Variants in GATA4 observed in about 807,000 individuals in gnomAD.
The protein encoded by GATA4 is transcription factor GATA-4.
Under a neutral mutation model 37.9 loss-of-function variants are expected in GATA4, and 7 were observed. The observed-to-expected ratio is 0.18, with a 90% CI of 0.11 to 0.35. The LOEUF is 0.35. Among genes scored for constraint, GATA4 ranks in the 10% least tolerant of loss-of-function variants. The pLI, the probability that GATA4 is intolerant of heterozygous loss-of-function variation, is 1.00. For missense variants in GATA4, 647 were observed against 653.0 expected (o/e 0.99, Z 0.10); for synonymous variants, 372 against 292.6 (o/e 1.27, Z -2.77).
chr8:11,688,256 G>C (rs1483619005), upstream of GATA4, among the ~76,000 whole-genome samples: 1 of 152,146 alleles, frequency 6.6e-6, no homozygotes, highest in East Asian at 1.9e-4. Flanking sequence ...CTATGCCTGA[G>C]GTCTCCTGAA....
At chr8:11,681,240 T>TA (rs1798961260) in intron 1 of GATA4, 1 of 985,178 alleles carries the variant, frequency 1.0e-6, no homozygotes, top group African/African-American at 1.7e-5. Flanking sequence ...TTTGGGGACT[T>TA]ACAGCTCGTC....
At chr8:11,714,132 A>G (rs531084913) in intron 2 of GATA4, among the ~76,000 whole-genome samples, 116 of 152,264 alleles carry the variant, frequency 7.6e-4, no homozygotes, top group Non-Finnish European at 1.5e-3. Context: ...TGGAAAGGCT[A>G]GGAAAATATA....
At chr8:11,703,139 G>A (rs1273355793), upstream of GATA4, among the ~76,000 whole-genome samples, 2 of 151,900 alleles carry the variant, frequency 1.3e-5, no homozygotes, top group African/African-American at 4.8e-5. Flanking sequence ...CCTCTAATCT[G>A]GCTTGAGAAG....
At chr8:11,757,576 G>A (rs1420355500) in intron 6 of GATA4, among the ~76,000 whole-genome samples, 1 of 152,234 alleles carries the variant, frequency 6.6e-6, no homozygotes, top group Non-Finnish European at 1.5e-5. Flanking sequence ...GGGTGGGGAA[G>A]GAGGAGGAAG....
At chr8:11,734,334 C>T (rs1343025682) in intron 2 of GATA4, among the ~76,000 whole-genome samples, 4 of 152,190 alleles carry the variant, frequency 2.6e-5, no homozygotes, top group East Asian at 1.9e-4. Context: ...GCTTTAACAA[C>T]GCTTATTTCT....
At chr8:11,751,835 C>G (rs979856535) in intron 4 of GATA4, among the ~76,000 whole-genome samples, 15 of 152,184 alleles carry the variant, frequency 9.9e-5, no homozygotes, top group African/African-American at 3.6e-4. Flanking sequence ...ATTAGATACT[C>G]TCATATATTA....
At chr8:11,698,075 C>G (rs1799560968) in intron 1 of GATA4, 1 of 934,314 alleles carries the variant, frequency 1.1e-6, no homozygotes, top group East Asian at 1.2e-4. Context: ...CACCCAGGCC[C>G]GGCCGCTTTC....
intron 2 of GATA4, among the ~76,000 whole-genome samples, chr8:11,736,395 G>C (rs1422823802): frequency 6.6e-6 from 1 of 152,252 alleles, no homozygotes; most frequent in Non-Finnish European, 1.5e-5. Context: ...GAGGTGAAAT[G>C]ACTGTTGGCT....
chr8:11,718,792 A>G (rs1411677576), intron 2 of GATA4, among the ~76,000 whole-genome samples: 1 of 152,240 alleles, frequency 6.6e-6, no homozygotes. Flanking sequence ...TATCGCCTCC[A>G]TTTAGAACTG....
intron 2 of GATA4, among the ~76,000 whole-genome samples, chr8:11,735,787 C>G (rs1390216520): frequency 1.3e-5 from 2 of 152,214 alleles, no homozygotes. Context: ...TCTCGAACTC[C>G]CGACCTAAGG....
intron 1 of GATA4, chr8:11,681,423 G>A (rs894812644): frequency 7.1e-6 from 7 of 985,012 alleles, no homozygotes; most frequent in African/African-American, 1.8e-5. Context: ...CAACTCGGGG[G>A]CCGTAGCTAC....
chr8:11,683,098 T>G, intron 1 of GATA4: 3 of 985,438 alleles, frequency 3.0e-6, no homozygotes, highest in Non-Finnish European at 3.6e-6. Flanking sequence ...CTCGCCGGAT[T>G]GCCTTGGAAA....
chr8:11,677,771 G>A (rs948432608), intron 1 of GATA4, among the ~76,000 whole-genome samples: 1 of 152,096 alleles, frequency 6.6e-6, no homozygotes, highest in African/African-American at 2.4e-5. Flanking sequence ...TTTAATTTCC[G>A]ATTATTCTGG....
In GATA4 at chr8:11,756,747, G is replaced by A. The variant is rs1282577638; in HGVS notation, c.1001-188G>A. On this transcript the variant is annotated intron_variant, in intron 5 of 6. Coordinates refer to ENST00000532059, the MANE Select transcript of GATA4 (RefSeq NM_001308093.3). ...AACACACGTGGCCTCAAGGGTTTGA[G>A]ATGAGATAGGGGGAAGAAGCCATCC... 9.8e-6 allele frequency: 7 copies of A among 714,748 alleles called. No homozygotes were observed. The Admixed American group carries it at 1.5e-4, about 16-fold the overall frequency. 44.3% of individuals were successfully genotyped at this position (714,748 alleles called of 1,614,324 possible).
chr8:11,691,388 C>T (rs1322671077), upstream of GATA4, among the ~76,000 whole-genome samples: 6 of 152,188 alleles, frequency 3.9e-5, no homozygotes, highest in East Asian at 1.2e-3. Context: ...GCAGCCTCAA[C>T]CTCCCAGGTT....
chr8:11,699,131 A>G (rs1799592585), intron 1 of GATA4, among the ~76,000 whole-genome samples: 1 of 152,226 alleles, frequency 6.6e-6, no homozygotes, highest in Non-Finnish European at 1.5e-5. Context: ...TGATCACTGC[A>G]TTCACAGAGC....
chr8:11,755,317 C>T (rs908375221), intron 5 of GATA4, among the ~76,000 whole-genome samples, 184 bp downstream of exon 5: 2 of 152,158 alleles, frequency 1.3e-5, no homozygotes, highest in Non-Finnish European at 1.5e-5. Flanking sequence ...TGCCATGGAA[C>T]GTGTTGGGAG....
upstream of GATA4, among the ~76,000 whole-genome samples, chr8:11,688,551 CTT>C (rs1799214282): frequency 6.6e-6 from 1 of 151,962 alleles, no homozygotes; most frequent in Admixed American, 6.6e-5. Context: ...CACACACACA[CTT>C]GAATCTCAAC....
Position 11,758,605 on chromosome 8 carries a change from A to C in GATA4, c.*130A>C. The C allele has an allele frequency of 1.1e-6, 1 of 894,180 alleles. No homozygotes were observed. Among genetic ancestry groups the C allele is most frequent in the East Asian group, 2.5e-5 (1 of 39,256 alleles). 55.4% of individuals were successfully genotyped at this position (894,180 alleles called of 1,614,324 possible). On this transcript the variant is annotated 3_prime_UTR_variant, in exon 7 of 7. Transcript: ENST00000532059. ...GACTCCAGAACAACAACTGGGAAGA[A>C]ACTTGAAGTCGACAATCTGGTTAGG...
Sources: allele counts gnomAD v4.1 joint callset (sites outside exome capture counted in the v4.1 genomes callset), GRCh38; gene constraint gnomAD v4.1.1; transcripts MANE v1.5; gene names NCBI Gene and HGNC (gene_info 2026-07-23, HGNC 2026-07-21).